TET1: variants seen among roughly 807,000 people sequenced by gnomAD.
The protein encoded by TET1 is methylcytosine dioxygenase TET1.
TET1 carries 13 observed loss-of-function variants against 148.7 expected under a neutral mutation model. The observed-to-expected ratio is 0.09, with a 90% CI of 0.06 to 0.14. The LOEUF (loss-of-function observed/expected upper bound fraction) is 0.14. Among genes scored for constraint, TET1 ranks in the 10% least tolerant of loss-of-function variants. The pLI is 1.00. For synonymous variants in TET1, 907 were observed against 937.2 expected, an observed-to-expected ratio of 0.97 and a Z score of 0.59; for missense variants, 2,182 against 2,553.8, an observed-to-expected ratio of 0.85 and a Z score of 3.14.
intron 2 of TET1, among the ~76,000 whole-genome samples, chr10:68,585,170 A>G (rs1458765417): frequency 6.6e-6 from 1 of 151,990 alleles, no homozygotes; most frequent in Non-Finnish European, 1.5e-5. Flanking sequence ...ACACCAGGCT[A>G]ATTTTGTATT....
chr10:68,679,177 T>C (rs1314088704), intron 8 of TET1, among the ~76,000 whole-genome samples: 2 of 152,178 alleles, frequency 1.3e-5, no homozygotes, highest in Non-Finnish European at 2.9e-5. Context: ...AGTGAAACTC[T>C]GTCTCAAAAA....
At chr10:68,664,050 A>G (rs2055159636) in intron 6 of TET1, among the ~76,000 whole-genome samples, 1 of 151,848 alleles carries the variant, frequency 6.6e-6, no homozygotes, top group South Asian at 2.1e-4. Flanking sequence ...CGCAGGCTGT[A>G]GTGCAGTGTT....
intron 2 of TET1, among the ~76,000 whole-genome samples, chr10:68,592,684 A>C (rs111937024): frequency 2.6e-5 from 4 of 151,988 alleles, no homozygotes; most frequent in African/African-American, 9.7e-5. Flanking sequence ...TGTTACCTCC[A>C]TGTGGGGCAC....
At chr10:68,616,614 C>T (rs984268452) in intron 3 of TET1, among the ~76,000 whole-genome samples, 11 of 152,100 alleles carry the variant, frequency 7.2e-5, no homozygotes, top group Non-Finnish European at 1.5e-4. Flanking sequence ...CAGCTCACGG[C>T]AGTCTCAAAC....
At chr10:68,671,315 CT>C (rs1328099748) in intron 7 of TET1, among the ~76,000 whole-genome samples, 1 of 152,136 alleles carries the variant, frequency 6.6e-6, no homozygotes, top group African/African-American at 2.4e-5. Flanking sequence ...TCTTTTGTTC[CT>C]GTGTTAGTTT....
intron 1 of TET1, among the ~76,000 whole-genome samples, chr10:68,569,357 G>A (rs1024792396): frequency 6.6e-6 from 1 of 151,684 alleles, no homozygotes; most frequent in Admixed American, 6.6e-5. Flanking sequence ...TGTATTTTTA[G>A]TAGAGATGGG....
rs768784531 is a variant in TET1, at chr10:68,645,127, C to G, written c.2398C>G (p.His800Asp). ...SYKFLKDTANHKNAMSSVATD... is the reference protein window; with the variant it reads ...SYKFLKDTANDKNAMSSVATD... ...TAAATTCCTAAAAGACACTGCAAACCATAAAAACGCTATGAGCTCTGTTGC... is the reference window on the plus strand; with the variant it reads ...TAAATTCCTAAAAGACACTGCAAACGATAAAAACGCTATGAGCTCTGTTGC... The change falls in exon 4 of 12, where the codon CAT becomes GAT. Residue 800 changes from histidine to aspartate, a missense_variant. By Grantham distance (81) the His-to-Asp change is moderately conservative. Coordinates refer to ENST00000373644, the MANE Select transcript of TET1 (RefSeq NM_030625.3). 1 of 1,613,722 alleles carries G rather than the reference C, an allele frequency of 6.2e-7. No individual in the cohort carries two copies. The highest frequency in any genetic ancestry group is 1.1e-5 in the South Asian group (1 of 91,020).
chr10:68,624,602 CTCTT>C (rs771481993), intron 3 of TET1, among the ~76,000 whole-genome samples: 88 of 113,952 alleles, frequency 7.7e-4, no homozygotes, highest in Non-Finnish European at 1.3e-3. Flanking sequence ...TTTTCTTTTT[CTCTT>C]TCTTTCTTTC....
At chr10:68,602,448 T>C (rs1210106030) in intron 3 of TET1, among the ~76,000 whole-genome samples, 1 of 152,040 alleles carries the variant, frequency 6.6e-6, no homozygotes, top group Non-Finnish European at 1.5e-5. Context: ...TTTGTTGGGG[T>C]TGTGGATGGG....
intron 7 of TET1, among the ~76,000 whole-genome samples, chr10:68,672,029 C>A (rs2055279078): frequency 6.6e-6 from 1 of 152,126 alleles, no homozygotes; most frequent in South Asian, 2.1e-4. Flanking sequence ...TAGTGAGCCA[C>A]CACACCTGGC....
intron 3 of TET1, among the ~76,000 whole-genome samples, chr10:68,641,272 G>A (rs547994362): frequency 1.3e-5 from 2 of 151,760 alleles, no homozygotes; most frequent in African/African-American, 2.4e-5. Context: ...GCACGATCTC[G>A]GCTCACTGCA....
At chr10:68,683,081 G>A in intron 10 of TET1, 108 bp downstream of exon 10, 5 of 1,317,588 alleles carry the variant, frequency 3.8e-6, no homozygotes, top group Non-Finnish European at 5.2e-6. Flanking sequence ...CTTAATTTAT[G>A]TGTTATTAGA....
At chr10:68,598,216 T>C (rs10998316) in intron 2 of TET1, among the ~76,000 whole-genome samples, 32,943 of 152,014 alleles carry the variant, frequency 0.22, 3,768 homozygotes, top group African/African-American at 0.29. Flanking sequence ...TGGTGAAACC[T>C]CGTCTCCACC....
intron 11 of TET1, 37 bp from the exon 12 acceptor site, chr10:68,690,771 A>AT (rs2055579001): frequency 2.0e-6 from 3 of 1,525,080 alleles, no homozygotes; most frequent in Non-Finnish European, 2.6e-6. Flanking sequence ...ACCAAAAGTA[A>AT]TTTGTATTTT....
At chr10:68,669,427 C>G (rs1185106890) in intron 7 of TET1, among the ~76,000 whole-genome samples, 1 of 149,898 alleles carries the variant, frequency 6.7e-6, no homozygotes, top group Non-Finnish European at 1.5e-5. Flanking sequence ...TCTCCTGTCT[C>G]AGCCTCCCAA....
In TET1 at chr10:68,694,311, C is replaced by T. The variant is rs561042709; in HGVS notation, c.*2497C>T. The T allele has an allele frequency of 1.5e-4, 36 of 232,682 alleles. No individual in the cohort carries two copies. Among genetic ancestry groups the T allele is most frequent in the African/African-American group, 7.0e-4 (32 of 45,414 alleles). The allele number at this position is 232,682 out of a possible 1,614,324, so 14.4% of individuals were successfully genotyped here. A position where few individuals can be genotyped will look rare whatever the true frequency, so the allele number is the denominator to read the frequency against. ...CAAATTGGATTCCTACTTTGTTGGA[C>T]TCTCTTTCCTGATTTTAACAATTTA... On this transcript the variant is annotated 3_prime_UTR_variant, in exon 12 of 12. Coordinates refer to ENST00000373644, the MANE Select transcript of TET1 (RefSeq NM_030625.3).
chr10:68,683,483 T>C lies in TET1; in HGVS notation c.5052+510T>C, dbSNP rs1589133880. Reference sequence around the variant, plus strand: ...TTAGTAGAGATGGGATTTCACTGTGTTAGCCAGGATGGTCTTGATCTCATG... The same window carrying C: ...TTAGTAGAGATGGGATTTCACTGTGCTAGCCAGGATGGTCTTGATCTCATG... On this transcript the variant is annotated intron_variant, in intron 10 of 11. Coordinates refer to ENST00000373644, the MANE Select transcript of TET1 (RefSeq NM_030625.3). 2.6e-5 allele frequency among the ~76,000 whole-genome samples: 4 copies of C among 152,116 alleles called. No homozygotes were observed. In the South Asian group the frequency reaches 8.4e-4, roughly 32 times the overall value.
At chr10:68,647,906 C>T (rs2054876277) in intron 4 of TET1, among the ~76,000 whole-genome samples, 1 of 152,126 alleles carries the variant, frequency 6.6e-6, no homozygotes, top group African/African-American at 2.4e-5. Context: ...ACTTGATATT[C>T]TGGAATAATA....
intron 3 of TET1, among the ~76,000 whole-genome samples, chr10:68,636,554 C>T (rs563752290): frequency 6.6e-5 from 10 of 152,286 alleles, no homozygotes; most frequent in Non-Finnish European, 1.5e-4. Context: ...GACCTTGTCT[C>T]TACAAAAGCA....
Sources: gnomAD v4.1 joint callset for allele counts (sites outside exome capture counted in the v4.1 genomes callset) on GRCh38, gnomAD v4.1.1 for gene constraint, MANE v1.5 for transcripts, NCBI Gene and HGNC (gene_info 2026-07-23, HGNC 2026-07-21) for gene names.